The following DENND4C variants were observed in gnomAD, a reference collection of about 807,000 sequenced individuals.
DENND4C encodes DENN domain containing 4C, also known as DENN domain-containing protein 4C.
Under a neutral mutation model 203.0 loss-of-function variants are expected in DENND4C, and 108 were observed. The ratio of observed to expected loss-of-function variants is 0.53; its 90% CI spans 0.46 to 0.62. The LOEUF (loss-of-function observed/expected upper bound fraction) is 0.62, where lower values mean the gene tolerates loss of function less well. Among genes scored for constraint, DENND4C ranks in the 20% least tolerant of loss-of-function variants. The pLI is 0.00. For synonymous variants in DENND4C, 871 were observed against 792.4 expected (o/e 1.10, Z -1.67); for missense variants, 2,481 against 2,301.2 (o/e 1.08, Z -1.60).
At chr9:19,300,417 G>A (rs1178491382) in intron 9 of DENND4C, 86 bp downstream of exon 9, 1 of 1,256,012 alleles carries the variant, frequency 8.0e-7, no homozygotes, top group Non-Finnish European at 1.0e-6. Context: ...CAGCAACTTT[G>A]TAAACAACAA....
At chr9:19,266,776 G>A (rs1830595316) in intron 1 of DENND4C, among the ~76,000 whole-genome samples, 2 of 152,212 alleles carry the variant, frequency 1.3e-5, no homozygotes, top group South Asian at 4.1e-4. Context: ...CTAGCCGTAT[G>A]TAGAGGGCTG....
intron 16 of DENND4C, among the ~76,000 whole-genome samples, chr9:19,331,198 G>A (rs537064627): frequency 6.0e-5 from 9 of 150,736 alleles, no homozygotes; most frequent in Middle Eastern, 3.5e-3. Flanking sequence ...GACTGCAAAG[G>A]AATAGGTCCT....
intron 6 of DENND4C, 55 bp downstream of exon 6, chr9:19,296,301 A>T: frequency 8.3e-7 from 1 of 1,200,758 alleles, no homozygotes; most frequent in East Asian, 2.4e-5. Flanking sequence ...ATAAATATAT[A>T]CATTTGTTTG....
chr9:19,292,421 CATATATTGTATAT>C (rs1194809330), intron 5 of DENND4C: 6 of 151,676 alleles, frequency 4.0e-5, no homozygotes, highest in Admixed American at 3.9e-4. Flanking sequence ...TTATGTAAAA[CATATATTGTATAT>C]AACAGTAATA....
intron 10 of DENND4C, among the ~76,000 whole-genome samples, chr9:19,315,806 A>T (rs1303915105): frequency 1.3e-5 from 2 of 151,862 alleles, no homozygotes; most frequent in Non-Finnish European, 2.9e-5. Flanking sequence ...CCTGGGTTCA[A>T]GTGATTCTTC....
chr9:19,249,955 G>T (rs1244835017), intron 1 of DENND4C, among the ~76,000 whole-genome samples: 2 of 152,176 alleles, frequency 1.3e-5, no homozygotes, highest in African/African-American at 4.8e-5. Flanking sequence ...ACTGTGCCTA[G>T]CCAGGTCAAG....
At chr9:19,339,182 C>T (rs749945933) in intron 20 of DENND4C, among the ~76,000 whole-genome samples, 4 of 152,100 alleles carry the variant, frequency 2.6e-5, no homozygotes, top group Non-Finnish European at 5.9e-5. Flanking sequence ...ATACATCTTG[C>T]CCTTTTACCT....
At chr9:19,248,030 T>A (rs895312190) in intron 1 of DENND4C, among the ~76,000 whole-genome samples, 2 of 152,192 alleles carry the variant, frequency 1.3e-5, no homozygotes, top group African/African-American at 2.4e-5. Flanking sequence ...CTATCTGCTC[T>A]CCCTTGCTTC....
chr9:19,283,163 ATT>A lies in DENND4C; in HGVS notation c.306-3596_306-3595del, dbSNP rs34362623. Among the ~76,000 whole-genome samples the A allele has an allele frequency of 4.1e-3, 615 of 150,548 alleles. 3 individuals carry two copies. Among genetic ancestry groups the A allele is most frequent in the African/African-American group, 0.014 (589 of 40,922 alleles). On this transcript the variant is annotated intron_variant, in intron 2 of 32. Transcript: ENST00000434457. ...TATAGATATGAACTACTGTGCCTGG[ATT>A]TTTTTTTTTAACTGTTTAAACTATT...
chr9:19,233,541 C>T (rs557909440), intron 1 of DENND4C, among the ~76,000 whole-genome samples: 1 of 147,902 alleles, frequency 6.8e-6, no homozygotes, highest in East Asian at 2.0e-4. Flanking sequence ...TGTAATAGAG[C>T]TTAACATGGT....
At chr9:19,300,441 A>G in intron 9 of DENND4C, 110 bp downstream of exon 9, 1 of 1,102,056 alleles carries the variant, frequency 9.1e-7, no homozygotes, top group African/African-American at 1.6e-5. Flanking sequence ...ATTTAAAAAA[A>G]GGAACTTTGA....
chr9:19,317,633 A>G (rs555519178), intron 12 of DENND4C, among the ~76,000 whole-genome samples: 2 of 152,302 alleles, frequency 1.3e-5, no homozygotes, highest in South Asian at 4.1e-4. Context: ...GCTTTAGTGT[A>G]ACTTACCACT....
intron 22 of DENND4C, among the ~76,000 whole-genome samples, chr9:19,344,859 G>C (rs1214799331): frequency 6.6e-6 from 1 of 152,136 alleles, no homozygotes; most frequent in African/African-American, 2.4e-5. Flanking sequence ...AGTTCTAGGG[G>C]CTGGAAAGTC....
chr9:19,290,560 A>G (rs1836083286), intron 4 of DENND4C, 144 bp from the exon 5 acceptor site: 1 of 527,578 alleles, frequency 1.9e-6, no homozygotes, highest in African/African-American at 1.9e-5. Context: ...AGTTTCTGTT[A>G]TAGCAAGGGG....
At chr9:19,260,085 G>A (rs538300738) in intron 1 of DENND4C, among the ~76,000 whole-genome samples, 17 of 152,242 alleles carry the variant, frequency 1.1e-4, no homozygotes, top group African/African-American at 4.1e-4. Context: ...CACTAACAGT[G>A]TATGAGGGTT....
intron 8 of DENND4C, 86 bp downstream of exon 8, chr9:19,299,373 T>C: frequency 1.2e-6 from 1 of 831,682 alleles, no homozygotes; most frequent in Non-Finnish European, 1.8e-6. Flanking sequence ...ATTATTAATA[T>C]ATTAGTGATT....
At chr9:19,243,865 A>G (rs1487938300) in intron 1 of DENND4C, among the ~76,000 whole-genome samples, 1 of 152,158 alleles carries the variant, frequency 6.6e-6, no homozygotes, top group Non-Finnish European at 1.5e-5. Flanking sequence ...AGACTGGAGT[A>G]CAGTGGCACA....
intron 9 of DENND4C, 32 bp from the exon 10 acceptor site, chr9:19,305,320 A>T: frequency 1.9e-6 from 3 of 1,566,586 alleles, no homozygotes; most frequent in Non-Finnish European, 2.6e-6. Context: ...CAAATTTAAA[A>T]TTTGGTTAAT....
At chr9:19,278,165 T>C (rs939624563) in intron 2 of DENND4C, among the ~76,000 whole-genome samples, 5 of 151,678 alleles carry the variant, frequency 3.3e-5, no homozygotes, top group Admixed American at 2.0e-4. Flanking sequence ...AGACAGAGTC[T>C]GGCTTCGTTG....
Sources: allele counts gnomAD v4.1 joint callset (sites outside exome capture counted in the v4.1 genomes callset), GRCh38; gene constraint gnomAD v4.1.1; transcripts MANE v1.5; gene names NCBI Gene and HGNC (gene_info 2026-07-23, HGNC 2026-07-21).